Variants in MARCHF3 observed in about 807,000 individuals in gnomAD.
MARCHF3 encodes the protein membrane associated ring-CH-type finger 3.
In MARCHF3, 13 loss-of-function variants were observed where a neutral mutation model predicts 24.2. That is an observed-to-expected ratio of 0.54 (90% confidence interval 0.35 to 0.85). MARCHF3 has a LOEUF of 0.85. Ranked by LOEUF, MARCHF3 falls within the 40% of genes least tolerant of loss-of-function variation. The pLI is 0.01. For missense variants in MARCHF3, 276 were observed against 325.0 expected (o/e 0.85, Z 1.16); for synonymous variants, 144 against 137.3 (o/e 1.05, Z -0.34).
intron 1 of MARCHF3, among the ~76,000 whole-genome samples, chr5:127,017,213 G>A (rs1467286936): frequency 6.6e-6 from 1 of 152,070 alleles, no homozygotes; most frequent in East Asian, 1.9e-4. Flanking sequence ...GTATACCTAT[G>A]TAACAAACCT....
At chr5:127,005,893 AAAAT>A (rs1752296886) in intron 1 of MARCHF3, among the ~76,000 whole-genome samples, 1 of 152,178 alleles carries the variant, frequency 6.6e-6, no homozygotes, top group African/African-American at 2.4e-5. Flanking sequence ...AAATAAATAT[AAAAT>A]AAACCATACT....
intron 3 of MARCHF3, among the ~76,000 whole-genome samples, chr5:126,895,846 G>C (rs1019562807): frequency 1.3e-5 from 2 of 152,158 alleles, no homozygotes; most frequent in African/African-American, 4.8e-5. Flanking sequence ...CCACCCAGTT[G>C]GAGCTTCCGG....
intron 1 of MARCHF3, among the ~76,000 whole-genome samples, chr5:126,957,225 A>AT (rs1241855708): frequency 6.6e-6 from 1 of 151,816 alleles, no homozygotes; most frequent in East Asian, 1.9e-4. Context: ...ATTGAGTTAT[A>AT]TTTTTTGCCT....
intron 1 of MARCHF3, among the ~76,000 whole-genome samples, chr5:127,022,687 G>T (rs1398056475): frequency 2.6e-5 from 4 of 152,168 alleles, no homozygotes; most frequent in Non-Finnish European, 5.9e-5. Context: ...GAAGCCCCAG[G>T]ATATGCAGAA....
In MARCHF3 at chr5:126,875,681, G is replaced by T. The variant is rs181550072; in HGVS notation, c.603+2504C>A. Among the ~76,000 whole-genome samples, 8 of 152,274 alleles carry T rather than the reference G, an allele frequency of 5.3e-5. No individual in the cohort carries two copies. The South Asian group carries it at 6.2e-4, about 12-fold the overall frequency. ...AGCACGTTTTTCACACCAGTCAAAG[G>T]GGGAGAGATGCCTTCTTTCCCTCCT... is the stretch of plus-strand genomic sequence containing the variant. On this transcript the variant is annotated intron_variant, in intron 4 of 4. Transcript: ENST00000308660.
chr5:127,012,368 C>T (rs1217158536), intron 1 of MARCHF3, among the ~76,000 whole-genome samples: 6 of 152,148 alleles, frequency 3.9e-5, no homozygotes, highest in African/African-American at 1.4e-4. Flanking sequence ...GAAAATGCCA[C>T]ATTATGTCAG....
At chr5:126,902,263 A>G (rs1474495280) in intron 3 of MARCHF3, among the ~76,000 whole-genome samples, 3 of 152,148 alleles carry the variant, frequency 2.0e-5, no homozygotes, top group African/African-American at 7.2e-5. Flanking sequence ...GGTAGTGAAT[A>G]CACACCTGTT....
intron 1 of MARCHF3, among the ~76,000 whole-genome samples, chr5:127,015,755 A>G (rs1190657031): frequency 6.6e-6 from 1 of 152,214 alleles, no homozygotes; most frequent in Non-Finnish European, 1.5e-5. Context: ...TTGTGGGTTC[A>G]CTTTCTGCAG....
At chr5:126,927,582 C>T (rs949722356) in intron 1 of MARCHF3, among the ~76,000 whole-genome samples, 2 of 152,176 alleles carry the variant, frequency 1.3e-5, no homozygotes, top group African/African-American at 4.8e-5. Flanking sequence ...ACAGAGTGGC[C>T]TCTCTTCCAC....
At chr5:126,973,853 T>C (rs1462602270) in intron 1 of MARCHF3, among the ~76,000 whole-genome samples, 1 of 152,000 alleles carries the variant, frequency 6.6e-6, no homozygotes, top group Admixed American at 6.6e-5. Flanking sequence ...AGGAATACTT[T>C]CTATCCAGAA....
At position 127,015,477 on chromosome 5, in the gene MARCHF3, A is replaced by AG. The variant is rs1752610089; in HGVS notation, c.-57+14872dup. On this transcript the variant is annotated intron_variant, in intron 1 of 4. Transcript: ENST00000308660. ...CCCAGAAAATAATGCCTCACAATTT[A>AG]GTTGGCAAATGACACCACCCACAGA... Among the ~76,000 whole-genome samples the AG allele has an allele frequency of 2.0e-5, 3 of 152,224 alleles. 1 individual carries two copies. In the South Asian group the frequency reaches 6.2e-4, roughly 32 times the overall value.
chr5:126,923,801 C>A (rs762851594), intron 1 of MARCHF3, among the ~76,000 whole-genome samples: 92 of 152,234 alleles, frequency 6.0e-4, no homozygotes, highest in Non-Finnish European at 8.5e-4. Context: ...CAATAAAATA[C>A]AATTTTTAAA....
intron 1 of MARCHF3, among the ~76,000 whole-genome samples, chr5:126,995,922 A>T (rs948325163): frequency 6.6e-6 from 1 of 152,262 alleles, no homozygotes; most frequent in Non-Finnish European, 1.5e-5. Context: ...CTGCTAAGGC[A>T]GTAAGAGGGA....
intron 1 of MARCHF3, among the ~76,000 whole-genome samples, chr5:126,968,639 G>C (rs1012968374): frequency 2.6e-5 from 4 of 152,146 alleles, no homozygotes; most frequent in African/African-American, 4.8e-5. Context: ...GCAGTGGTGG[G>C]TTCTTGGCTC....
intron 2 of MARCHF3, among the ~76,000 whole-genome samples, chr5:126,916,970 G>C (rs1411904913): frequency 6.6e-6 from 1 of 152,188 alleles, no homozygotes; most frequent in Non-Finnish European, 1.5e-5. Context: ...TAGCAGCACA[G>C]ATTTTAAATG....
chr5:126,992,573 T>A (rs73786275), intron 1 of MARCHF3, among the ~76,000 whole-genome samples: 7,839 of 152,210 alleles, frequency 0.052, 375 homozygotes, highest in South Asian at 0.14. Context: ...ATCTTCTAGT[T>A]AATTTCTACT....
intron 1 of MARCHF3, among the ~76,000 whole-genome samples, chr5:127,005,945 T>A (rs936398110): frequency 1.3e-5 from 2 of 152,136 alleles, no homozygotes; most frequent in South Asian, 2.1e-4. Context: ...CTCATGCCTG[T>A]AATCCCACCA....
At chr5:127,024,821 G>C (rs1047732767) in intron 1 of MARCHF3, among the ~76,000 whole-genome samples, 5 of 152,134 alleles carry the variant, frequency 3.3e-5, no homozygotes, top group African/African-American at 1.2e-4. Flanking sequence ...GTTGTTCTAT[G>C]ATTTCACAGC....
chr5:126,984,006 C>A (rs923776207), intron 1 of MARCHF3, among the ~76,000 whole-genome samples: 1 of 151,826 alleles, frequency 6.6e-6, no homozygotes, highest in Non-Finnish European at 1.5e-5. Context: ...AGATTAAAAC[C>A]TGCTTGTGAT....
Sources: gnomAD v4.1 joint callset for allele counts (sites outside exome capture counted in the v4.1 genomes callset) on GRCh38, gnomAD v4.1.1 for gene constraint, MANE v1.5 for transcripts, NCBI Gene and HGNC (gene_info 2026-07-23, HGNC 2026-07-21) for gene names.